Variants in SAMSN1 observed in about 807,000 individuals in gnomAD.
SAMSN1 encodes SAM domain, SH3 domain and nuclear localization signals 1.
Under a neutral mutation model 42.0 loss-of-function variants are expected in SAMSN1, and 31 were observed. That is an observed-to-expected ratio of 0.74 (90% CI 0.55 to 1.00). The LOEUF (loss-of-function observed/expected upper bound fraction) is 1.00. SAMSN1 is among the 50% of genes least tolerant of loss of function. The probability of loss-of-function intolerance (pLI) is 0.00; values close to 1 mark genes in which losing one functional copy is unlikely to be tolerated. For synonymous variants in SAMSN1, 178 were observed against 151.9 expected, an observed-to-expected ratio of 1.17 and a Z score of -1.26; for missense variants, 464 against 439.4, an observed-to-expected ratio of 1.06 and a Z score of -0.50.
At chr21:14,619,392 A>G (rs1982941557) in intron 2 of SAMSN1, among the ~76,000 whole-genome samples, 1 of 152,226 alleles carries the variant, frequency 6.6e-6, no homozygotes, top group Admixed American at 6.5e-5. Flanking sequence ...AATTTTTAGG[A>G]CTGTAGAGCT....
At chr21:14,609,186 T>C (rs1309326475) in intron 5 of SAMSN1, among the ~76,000 whole-genome samples, 1 of 152,134 alleles carries the variant, frequency 6.6e-6, no homozygotes, top group Non-Finnish European at 1.5e-5. Flanking sequence ...TTTTGTACAT[T>C]AAAACTTTCA....
chr21:14,575,954 CT>C (rs896906541), intron 2 of SAMSN1, among the ~76,000 whole-genome samples: 1 of 152,066 alleles, frequency 6.6e-6, no homozygotes, highest in African/African-American at 2.4e-5. Context: ...AACTTCACTA[CT>C]GTTTATCAAA....
chr21:14,522,205 A>G (rs555553097), intron 1 of SAMSN1, among the ~76,000 whole-genome samples: 1 of 152,214 alleles, frequency 6.6e-6, no homozygotes, highest in African/African-American at 2.4e-5. Flanking sequence ...ATGCAACTCA[A>G]TGTAGGCAGG....
chr21:14,621,380 A>T (rs1421756197), intron 2 of SAMSN1, among the ~76,000 whole-genome samples: 1 of 152,224 alleles, frequency 6.6e-6, no homozygotes, highest in African/African-American at 2.4e-5. Flanking sequence ...GGGACCAGGG[A>T]ATCCTCTTTC....
chr21:14,526,330 T>A (rs895795401), intron 1 of SAMSN1, among the ~76,000 whole-genome samples: 1 of 152,252 alleles, frequency 6.6e-6, no homozygotes, highest in Admixed American at 6.5e-5. Context: ...GCCCTTGGAT[T>A]GCTGTTTTCA....
At chr21:14,536,933 G>A (rs543732720) in intron 1 of SAMSN1, among the ~76,000 whole-genome samples, 2 of 152,276 alleles carry the variant, frequency 1.3e-5, no homozygotes, top group South Asian at 4.1e-4. Context: ...CAACACCAAA[G>A]TCAACTGGGC....
intron 4 of SAMSN1, chr21:14,612,696 T>C (rs1345319167): frequency 9.2e-6 from 6 of 653,770 alleles, no homozygotes; most frequent in Non-Finnish European, 1.7e-5. Context: ...GATTTCTTTG[T>C]CATAGCCATT....
chr21:14,538,720 A>G (rs1979802345), intron 1 of SAMSN1, among the ~76,000 whole-genome samples: 1 of 152,114 alleles, frequency 6.6e-6, no homozygotes, highest in Admixed American at 6.5e-5. Flanking sequence ...CTCATAATCA[A>G]CTCATCACCT....
At chr21:14,608,693 A>G (rs1336879626) in intron 5 of SAMSN1, among the ~76,000 whole-genome samples, 1 of 152,126 alleles carries the variant, frequency 6.6e-6, no homozygotes, top group Non-Finnish European at 1.5e-5. Flanking sequence ...TAAGGAGAGG[A>G]CACAGGAGAG....
Position 14,566,685 on chromosome 21 carries a change from G to A in SAMSN1, c.261+15451C>T, listed in dbSNP as rs113817602. On this transcript the variant is annotated intron_variant, in intron 2 of 8. Coordinates refer to the SAMSN1 transcript ENST00000285670. Reference sequence around the variant, plus strand: ...CTCAAGTAGCTGGGGTTACAGGTGTGCACCAACATGCCTTGCTAATTTTTG... The same window carrying A: ...CTCAAGTAGCTGGGGTTACAGGTGTACACCAACATGCCTTGCTAATTTTTG... 7.3e-3 allele frequency among the ~76,000 whole-genome samples: 1,110 copies of A among 152,124 alleles called. 15 individuals are homozygous for A. Among genetic ancestry groups the A allele is most frequent in the African/African-American group, 0.024 (1,013 of 41,500 alleles).
At chr21:14,553,108 A>G (rs1279289904) in intron 2 of SAMSN1, among the ~76,000 whole-genome samples, 1 of 151,762 alleles carries the variant, frequency 6.6e-6, no homozygotes, top group African/African-American at 2.4e-5. Flanking sequence ...TTCTTGATTT[A>G]TGCATTAGGC....
At chr21:14,634,018 T>TA (rs1983399737) in intron 2 of SAMSN1, among the ~76,000 whole-genome samples, 1 of 152,172 alleles carries the variant, frequency 6.6e-6, no homozygotes, top group Non-Finnish European at 1.5e-5. Flanking sequence ...AGTAAGTGTA[T>TA]AAAAAATTAA....
rs143994319 is a variant in SAMSN1, at chr21:14,530,994, T to A, written c.58-9773A>T. On this transcript the variant is annotated intron_variant, in intron 1 of 7. Coordinates refer to ENST00000400566, the MANE Select transcript of SAMSN1 (RefSeq NM_022136.5). ...TTATTTTTCTATTTATTATAGAATATTAAATAATATTTTAACTAGTCACAT... is the reference window on the plus strand; with the variant it reads ...TTATTTTTCTATTTATTATAGAATAATAAATAATATTTTAACTAGTCACAT... Among the ~76,000 whole-genome samples, 1,472 of 152,190 alleles carry A rather than the reference T, an allele frequency of 9.7e-3. 12 individuals are homozygous for A. Among genetic ancestry groups the A allele is most frequent in the South Asian group, 0.023 (109 of 4,828 alleles).
upstream of SAMSN1, among the ~76,000 whole-genome samples, chr21:14,584,089 A>C (rs1441436254): frequency 6.6e-6 from 1 of 152,110 alleles, no homozygotes; most frequent in Admixed American, 6.6e-5. Context: ...GAAACAGCGG[A>C]AAAAAACAAG....
rs1240522574 is a variant in SAMSN1 at position 14,649,278 on chromosome 21, G to T, written c.25-6145C>A. Among the ~76,000 whole-genome samples, 3 of 132,816 alleles carry T rather than the reference G, an allele frequency of 2.3e-5. No homozygotes were observed. In the Admixed American group the frequency reaches 2.3e-4, roughly 10 times the overall value. The allele number at this position is 132,816 out of a possible 152,430, so 87.1% of individuals were successfully genotyped here. On this transcript the variant is annotated intron_variant, in intron 1 of 15. Coordinates refer to the SAMSN1 transcript ENST00000647101. Reference sequence around the variant, plus strand: ...CATACTCTGGGGACTGTTGTGGGGTGGGGGGAGGGGGGGAGGGATAGCATT... The same window carrying T: ...CATACTCTGGGGACTGTTGTGGGGTTGGGGGAGGGGGGGAGGGATAGCATT...
intron 7 of SAMSN1, among the ~76,000 whole-genome samples, chr21:14,486,891 A>C (rs1351232276): frequency 6.6e-6 from 1 of 152,162 alleles, no homozygotes; most frequent in East Asian, 1.9e-4. Context: ...GATTACTATT[A>C]GGGATATAAC....
chr21:14,649,905 A>G (rs528802260), intron 1 of SAMSN1, among the ~76,000 whole-genome samples: 2 of 152,272 alleles, frequency 1.3e-5, no homozygotes, highest in South Asian at 4.1e-4. Flanking sequence ...TATATCAGAT[A>G]AAATAGATTT....
At chr21:14,621,029 A>G (rs1351014488) in intron 2 of SAMSN1, among the ~76,000 whole-genome samples, 2 of 152,352 alleles carry the variant, frequency 1.3e-5, no homozygotes, top group Admixed American at 6.5e-5. Flanking sequence ...CGCAAACTGA[A>G]TAAGTATGTT....
At chr21:14,592,309 T>C (rs917596966) in intron 7 of SAMSN1, 2 of 152,538 alleles carry the variant, frequency 1.3e-5, no homozygotes, top group Non-Finnish European at 2.9e-5. Flanking sequence ...AAGTATCTAT[T>C]GGATTCTTAG....
Sources: allele counts gnomAD v4.1 joint callset (sites outside exome capture counted in the v4.1 genomes callset), GRCh38; gene constraint gnomAD v4.1.1; transcripts MANE v1.5; gene names NCBI Gene and HGNC (gene_info 2026-07-23, HGNC 2026-07-21).